VTI1A: variants seen among roughly 807,000 people sequenced by gnomAD.
The protein encoded by VTI1A is vesicle transport through interaction with t-SNAREs homolog 1A.
In VTI1A, 22 loss-of-function variants were observed where a neutral mutation model predicts 34.9. That is an observed-to-expected ratio of 0.63 (90% CI 0.45 to 0.90). The LOEUF is 0.90. Among genes scored for constraint, VTI1A ranks in the 40% least tolerant of loss-of-function variants. The pLI is 0.00. For synonymous variants in VTI1A, 87 were observed against 97.3 expected (o/e 0.89, Z 0.62); for missense variants, 268 against 275.6 (o/e 0.97, Z 0.20).
At chr10:112,567,181 C>T (rs1851934541) in intron 5 of VTI1A, among the ~76,000 whole-genome samples, 1 of 152,072 alleles carries the variant, frequency 6.6e-6, no homozygotes, top group South Asian at 2.1e-4. Flanking sequence ...AAGCACAGCC[C>T]ACCATGCCCG....
intron 3 of VTI1A, among the ~76,000 whole-genome samples, chr10:112,473,477 T>C (rs1848172039): frequency 6.6e-6 from 1 of 152,182 alleles, no homozygotes; most frequent in East Asian, 1.9e-4. Context: ...TTGATCATTT[T>C]AATGTGTGCA....
intron 5 of VTI1A, among the ~76,000 whole-genome samples, chr10:112,559,187 T>C (rs982576449): frequency 6.6e-6 from 1 of 152,224 alleles, no homozygotes; most frequent in Non-Finnish European, 1.5e-5. Flanking sequence ...AGTTTTTCTT[T>C]CTTTAAGTGA....
chr10:112,521,003 T>C (rs1850008001), intron 3 of VTI1A, among the ~76,000 whole-genome samples: 1 of 152,050 alleles, frequency 6.6e-6, no homozygotes, highest in Non-Finnish European at 1.5e-5. Flanking sequence ...GTATTTTTTC[T>C]CTGGTGGCTT....
intron 5 of VTI1A, among the ~76,000 whole-genome samples, chr10:112,661,308 G>A (rs966838410): frequency 6.6e-6 from 1 of 152,116 alleles, no homozygotes; most frequent in Non-Finnish European, 1.5e-5. Context: ...TAGAGACAGG[G>A]TTTTGCCATG....
chr10:112,827,169 G>A, the VTI1A span: 4 of 152,202 alleles, frequency 2.6e-5, no homozygotes, highest in Admixed American at 1.3e-4. Flanking sequence ...TCCAGAGTGG[G>A]ATTAGAACCC....
intron 4 of VTI1A, among the ~76,000 whole-genome samples, chr10:112,529,118 A>G (rs1850341890): frequency 6.6e-6 from 1 of 152,170 alleles, no homozygotes. Context: ...TGAAGTTTAC[A>G]TGTAAGGAAC....
intron 5 of VTI1A, among the ~76,000 whole-genome samples, chr10:112,604,739 T>C (rs1017641460): frequency 1.3e-5 from 2 of 152,218 alleles, no homozygotes; most frequent in African/African-American, 4.8e-5. Context: ...AGAAGAGATA[T>C]AAAACATTAC....
At chr10:112,773,394 C>G (rs149596391) in intron 7 of VTI1A, among the ~76,000 whole-genome samples, 364 of 152,310 alleles carry the variant, frequency 2.4e-3, no homozygotes, top group African/African-American at 7.9e-3. Context: ...ACACTGAACA[C>G]TAACTGAACT....
At chr10:112,462,088 G>A (rs1472573747) in intron 2 of VTI1A, among the ~76,000 whole-genome samples, 1 of 152,212 alleles carries the variant, frequency 6.6e-6, no homozygotes, top group African/African-American at 2.4e-5. Flanking sequence ...GACCGCAGGT[G>A]ATCCACCCAC....
chr10:112,531,110 CACGT>C lies in VTI1A; in HGVS notation c.342+3947_342+3950del, dbSNP rs1460594938. On this transcript the variant is annotated intron_variant, in intron 4 of 7. Transcript: ENST00000393077. The stretch of plus-strand genomic sequence containing the variant: ...ACACACACACACACACACACGTGCG[CACGT>C]GCGCGCGCGCGCATGAACCCTCACA... 9.7e-4 allele frequency among the ~76,000 whole-genome samples: 125 copies of C among 129,394 alleles called. No homozygotes were observed. The South Asian group carries it at 0.011, about 11-fold the overall frequency. 84.9% of individuals were successfully genotyped at this position (129,394 alleles called of 152,430 possible). A position where few individuals can be genotyped will look rare whatever the true frequency, so the allele number is the denominator to read the frequency against.
At chr10:112,606,380 C>T (rs985650494) in intron 5 of VTI1A, among the ~76,000 whole-genome samples, 5 of 152,100 alleles carry the variant, frequency 3.3e-5, no homozygotes, top group Admixed American at 6.6e-5. Flanking sequence ...TCTTCATGCC[C>T]TCACCACCCG....
intron 3 of VTI1A, among the ~76,000 whole-genome samples, chr10:112,466,469 A>G (rs1467996422): frequency 6.6e-6 from 1 of 152,130 alleles, no homozygotes; most frequent in Non-Finnish European, 1.5e-5. Flanking sequence ...ATAAATATAT[A>G]TGCCTAAGTA....
At chr10:112,760,889 CAAAA>C (rs10592117) in intron 7 of VTI1A, among the ~76,000 whole-genome samples, 6 of 94,252 alleles carry the variant, frequency 6.4e-5, no homozygotes, top group African/African-American at 7.3e-5. Context: ...ACTCCATCTC[CAAAA>C]AAAAAAAAAA....
intron 3 of VTI1A, among the ~76,000 whole-genome samples, chr10:112,473,945 A>G (rs1301116571): frequency 6.6e-6 from 1 of 152,228 alleles, no homozygotes; most frequent in East Asian, 1.9e-4. Context: ...TAATGTTAGT[A>G]ATGCTAGCAA....
intron 5 of VTI1A, 137 bp from the exon 6 acceptor site, chr10:112,668,081 T>A: frequency 6.4e-6 from 4 of 625,608 alleles, no homozygotes; most frequent in Non-Finnish European, 5.7e-6. Context: ...ATTTTTCAAA[T>A]ACATGAATTG....
intron 4 of VTI1A, among the ~76,000 whole-genome samples, chr10:112,529,792 A>T (rs1318750489): frequency 1.3e-5 from 2 of 152,076 alleles, no homozygotes; most frequent in East Asian, 1.9e-4. Flanking sequence ...AGCAATGATT[A>T]TATAGGTAAA....
At chr10:112,736,282 C>T (rs180900680) in intron 7 of VTI1A, among the ~76,000 whole-genome samples, 109 of 151,632 alleles carry the variant, frequency 7.2e-4, no homozygotes, top group African/African-American at 2.5e-3. Flanking sequence ...TATTTATTTC[C>T]TTTCTTCATT....
At chr10:112,603,408 T>A (rs1406964264) in intron 5 of VTI1A, among the ~76,000 whole-genome samples, 1 of 152,208 alleles carries the variant, frequency 6.6e-6, no homozygotes, top group Non-Finnish European at 1.5e-5. Flanking sequence ...AGTTTTTCAA[T>A]AACATTCATT....
chr10:112,835,812 G>C, the VTI1A span, among the ~76,000 whole-genome samples: 3 of 152,072 alleles, frequency 2.0e-5, no homozygotes, highest in Admixed American at 1.3e-4. Flanking sequence ...ATTAAAAAAA[G>C]AAAATTTCTC....
Sources: gnomAD v4.1 joint callset for allele counts (sites outside exome capture counted in the v4.1 genomes callset) on GRCh38, gnomAD v4.1.1 for gene constraint, MANE v1.5 for transcripts, NCBI Gene and HGNC (gene_info 2026-07-23, HGNC 2026-07-21) for gene names.